SPINK5: variants seen among roughly 807,000 people sequenced by gnomAD.
SPINK5 encodes the protein serine peptidase inhibitor Kazal type 5.
SPINK5 carries 125 observed loss-of-function variants against 151.8 expected under a neutral mutation model. That is an observed-to-expected ratio of 0.82 (90% confidence interval 0.71 to 0.96). The LOEUF (loss-of-function observed/expected upper bound fraction) is 0.96, where lower values mean the gene tolerates loss of function less well. Ranked by LOEUF, SPINK5 falls within the 40% of genes least tolerant of loss-of-function variation. SPINK5 has a pLI of 0.00. For synonymous variants in SPINK5, 374 were observed against 395.3 expected, an observed-to-expected ratio of 0.95 and a Z score of 0.64; for missense variants, 1,194 against 1,291.9, an observed-to-expected ratio of 0.92 and a Z score of 1.16.
In SPINK5 at chr5:148,114,487, C is replaced by T; in HGVS notation, c.2013C>T (p.Val671=). Residue 671 remains valine, a splice_region_variant and synonymous_variant, in exon 21 of 33, where the codon GTC becomes GTT. Transcript: ENST00000256084. The stretch of plus-strand genomic sequence containing the variant: ...ACAAGTGTGCCATGTGTAAGGCAGT[C>T]TTGTGAGTGCACAAAGAAAACCACT... The part of the protein sequence containing the change: ...HGNKCAMCKA[V]FQKENEERKR... 1 of 1,613,244 alleles carries T rather than the reference C, an allele frequency of 6.2e-7. No homozygotes were observed. The highest frequency in any genetic ancestry group is 1.1e-5 in the South Asian group (1 of 90,950).
At chr5:148,112,781 G>A (rs1753976144) in intron 19 of SPINK5, 87 bp from the exon 20 acceptor site, 4 of 1,583,870 alleles carry the variant, frequency 2.5e-6, no homozygotes, top group African/African-American at 2.7e-5. Flanking sequence ...AGAAGTAATG[G>A]ACCATTTTTA....
At chr5:148,125,016 C>A in intron 28 of SPINK5, 179 bp downstream of exon 28, 1 of 906,026 alleles carries the variant, frequency 1.1e-6, no homozygotes, top group Non-Finnish European at 1.5e-6. Flanking sequence ...GGTTTGATAC[C>A]TTTTTTGATT....
intron 31 of SPINK5, 130 bp from the exon 32 acceptor site, chr5:148,133,667 C>T (rs1754626980): frequency 2.5e-6 from 2 of 808,994 alleles, no homozygotes; most frequent in Non-Finnish European, 4.2e-6. Flanking sequence ...TAGTTGAATG[C>T]AGATCCCAGA....
chr5:148,073,659 A>G (rs1752799277), intron 4 of SPINK5, among the ~76,000 whole-genome samples: 1 of 151,806 alleles, frequency 6.6e-6, no homozygotes, highest in African/African-American at 2.4e-5. Flanking sequence ...ACACAAACAT[A>G]CCAATTTTAA....
intron 7 of SPINK5, 109 bp downstream of exon 7, chr5:148,089,730 G>T: frequency 1.3e-6 from 2 of 1,501,900 alleles, no homozygotes; most frequent in Admixed American, 1.7e-5. Flanking sequence ...GCAATTCTTT[G>T]TCTTTACACT....
At chr5:148,132,940 C>A (rs1040398707) in intron 31 of SPINK5, among the ~76,000 whole-genome samples, 1 of 152,032 alleles carries the variant, frequency 6.6e-6, no homozygotes, top group South Asian at 2.1e-4. Flanking sequence ...CTATATATAC[C>A]TTATCTCCAG....
At position 148,106,778 on chromosome 5, in the gene SPINK5, G is replaced by A. The variant is rs201637738; in HGVS notation, c.1480-259G>A. On this transcript the variant is annotated intron_variant, in intron 16 of 32. Coordinates refer to ENST00000256084, the MANE Select transcript of SPINK5 (RefSeq NM_006846.4). The stretch of plus-strand genomic sequence containing the variant: ...CTGCCTATGGAATCTTCCCACCTCT[G>A]ATCTTTCCTAGCTTTTACAGACCAT... Among the ~76,000 whole-genome samples, 12 of 152,198 alleles carry A rather than the reference G, an allele frequency of 7.9e-5. No homozygotes were observed. The East Asian group carries it at 2.1e-3, about 27-fold the overall frequency.
intron 4 of SPINK5, among the ~76,000 whole-genome samples, chr5:148,074,504 G>A (rs200166521): frequency 3.7e-4 from 56 of 150,820 alleles, no homozygotes; most frequent in African/African-American, 1.3e-3. Context: ...ACACGAGTCT[G>A]TGTGTTTCTG....
In SPINK5 at chr5:148,101,262, T is replaced by C. The variant is rs1205683653; in HGVS notation, c.1221-93T>C. ...ACATCACATTCAAAGAATTTAATCG[T>C]TGTTAAGTGTAAAATTAAATTATAT... On this transcript the variant is annotated intron_variant, in intron 13 of 32. Coordinates refer to ENST00000256084, the MANE Select transcript of SPINK5 (RefSeq NM_006846.4). 15 of 915,660 alleles carry C rather than the reference T, an allele frequency of 1.6e-5. No individual in the cohort carries two copies. The East Asian group carries it at 3.3e-4, about 20-fold the overall frequency. The allele number at this position is 915,660 out of a possible 1,614,324, so 56.7% of individuals were successfully genotyped here.
chr5:148,069,355 CCT>C (rs530024303), intron 2 of SPINK5, among the ~76,000 whole-genome samples: 115 of 151,734 alleles, frequency 7.6e-4, no homozygotes, highest in African/African-American at 2.6e-3. Flanking sequence ...AAATGTTTCC[CCT>C]GTCCTCCTTA....
At chr5:148,101,467 G>A (rs1447368053) in intron 14 of SPINK5, 31 bp downstream of exon 14, 3 of 1,506,808 alleles carry the variant, frequency 2.0e-6, no homozygotes, top group Non-Finnish European at 2.8e-6. Flanking sequence ...AACTCAGAGG[G>A]ATATGGCCCT....
Position 148,070,305 on chromosome 5 carries a change from T to G in SPINK5, c.82-18T>G, listed in dbSNP as rs1321752635. 6.2e-7 allele frequency: 1 copy of G among 1,611,490 alleles called. No individual in the cohort carries two copies. Among genetic ancestry groups the G allele is most frequent in the Non-Finnish European group, 8.5e-7 (1 of 1,178,520 alleles). On this transcript the variant is annotated intron_variant, in intron 2 of 32. Coordinates refer to ENST00000256084, the MANE Select transcript of SPINK5 (RefSeq NM_006846.4). ...TGATGTACTTTTAGCTAACACAACT[T>G]TTTTGGCATTATCTTAGGAAATGTG...
chr5:148,099,013 A>G (rs1753555952), intron 11 of SPINK5, among the ~76,000 whole-genome samples: 1 of 152,080 alleles, frequency 6.6e-6, no homozygotes, highest in Admixed American at 6.6e-5. Context: ...TCCCAGATCC[A>G]CTATTGCCGT....
chr5:148,072,372 A>ACCC, intron 4 of SPINK5, 152 bp downstream of exon 4: 1 of 778,650 alleles, frequency 1.3e-6, no homozygotes, highest in Non-Finnish European at 2.2e-6. Context: ...GGGTGGGCTA[A>ACCC]ATATCTGGTA....
At chr5:148,103,159 A>G (rs891980013) in intron 15 of SPINK5, among the ~76,000 whole-genome samples, 1 of 152,180 alleles carries the variant, frequency 6.6e-6, no homozygotes. Context: ...TCATGACCAT[A>G]TAATTATCAC....
At position 148,107,438 on chromosome 5, in the gene SPINK5, G is replaced by A. The variant is rs11953763; in HGVS notation, c.1607+274G>A. On this transcript the variant is annotated intron_variant, in intron 17 of 32. Coordinates refer to ENST00000256084, the MANE Select transcript of SPINK5 (RefSeq NM_006846.4). ...ATAATCTTCATTTGTGAAAAAGAGA[G>A]AGCAGAAATTTCATGATTTGGATTG... Among the ~76,000 whole-genome samples the A allele has an allele frequency of 0.17, 25,329 of 151,394 alleles. 3,045 individuals are homozygous for A. The highest frequency in any genetic ancestry group is 0.32 in the African/African-American group (13,214 of 40,876).
chr5:148,101,800 G>T lies in SPINK5; in HGVS notation c.1322G>T (p.Arg441Leu), dbSNP rs34393923. The change falls in exon 15 of 33, where the codon CGC becomes CTC. Residue 441 changes from arginine (R) to leucine (L), a missense_variant. Coordinates refer to ENST00000256084, the MANE Select transcript of SPINK5 (RefSeq NM_006846.4). ...ASFEELCSEY[R>L]KSRKNGRLFC... Reference sequence around the variant, plus strand: ...TCACAGGAGTTGTGTAGTGAATACCGCAAATCCAGGAAAAACGGACGGCTT... The same window carrying T: ...TCACAGGAGTTGTGTAGTGAATACCTCAAATCCAGGAAAAACGGACGGCTT... The T allele has an allele frequency of 5.2e-5, 84 of 1,613,502 alleles. No homozygotes were observed. The South Asian group carries it at 8.8e-4, about 17-fold the overall frequency.
chr5:148,067,434 A>C (rs753566395), intron 2 of SPINK5, among the ~76,000 whole-genome samples: 1 of 152,174 alleles, frequency 6.6e-6, no homozygotes, highest in Non-Finnish European at 1.5e-5. Context: ...TCATCTACTC[A>C]ACTCAGGATG....
intron 20 of SPINK5, among the ~76,000 whole-genome samples, chr5:148,114,005 A>G (rs1459549467): frequency 6.6e-6 from 1 of 152,222 alleles, no homozygotes; most frequent in Non-Finnish European, 1.5e-5. Flanking sequence ...TACAAAATCA[A>G]TTGTAATTGC....
Sources: allele counts gnomAD v4.1 joint callset (sites outside exome capture counted in the v4.1 genomes callset), GRCh38; gene constraint gnomAD v4.1.1; transcripts MANE v1.5; gene names NCBI Gene and HGNC (gene_info 2026-07-23, HGNC 2026-07-21).